Variants in CPLANE1 observed in about 807,000 individuals in gnomAD.
The protein encoded by CPLANE1 is ciliogenesis and planar polarity effector 1.
Under a neutral mutation model 362.5 loss-of-function variants are expected in CPLANE1, and 263 were observed. The ratio of observed to expected loss-of-function variants is 0.73; its 90% confidence interval spans 0.66 to 0.80. The LOEUF is 0.80. CPLANE1 is among the 30% of genes least tolerant of loss of function. CPLANE1 has a pLI of 0.00. For missense variants in CPLANE1, 3,461 were observed against 3,793.4 expected (o/e 0.91, Z 2.30); for synonymous variants, 1,212 against 1,302.6 (o/e 0.93, Z 1.50).
At chr5:37,158,114 A>G (rs776391873) in intron 39 of CPLANE1, 110 bp downstream of exon 39, 377 of 1,240,300 alleles carry the variant, frequency 3.0e-4, no homozygotes, top group Non-Finnish European at 4.0e-4. Flanking sequence ...ACAAAGCTAC[A>G]TAGATGAGAT....
chr5:37,247,668 T>C lies in CPLANE1; in HGVS notation c.31A>G (p.Thr11Ala). 1.3e-6 allele frequency: 2 copies of C among 1,551,312 alleles called. No homozygotes were observed. The highest frequency in any genetic ancestry group is 1.7e-6 in the Non-Finnish European group (2 of 1,146,550). ...CATGGTTTTTTCTGCTTAATACCTG[T>C]TGATGTCAAGATTTCTAATCTTATC... The part of the protein sequence containing the change: MEIRLEILTS[T>A]GIKQKKPWPR... Residue 11 changes from threonine (T) to alanine (A), a missense_variant, in exon 2 of 53, where the codon ACA becomes GCA. This residue lies in a region of CPLANE1 where 3,380 missense variants were observed against 3,666.1 expected (regional missense o/e 0.92). Coordinates refer to ENST00000651892, the MANE Select transcript of CPLANE1 (RefSeq NM_001384732.1).
the CPLANE1 span, among the ~76,000 whole-genome samples, chr5:37,082,415 C>T: frequency 6.6e-6 from 1 of 152,134 alleles, no homozygotes; most frequent in African/African-American, 2.4e-5. Flanking sequence ...AGGCATCACA[C>T]TACCCGATCC....
At chr5:37,237,597 A>G (rs556513910) in intron 8 of CPLANE1, among the ~76,000 whole-genome samples, 2 of 152,378 alleles carry the variant, frequency 1.3e-5, no homozygotes, top group Admixed American at 1.3e-4. Context: ...CTGTAATCCG[A>G]GCACTTTGGG....
Position 37,226,622 on chromosome 5 carries a change from C to T in CPLANE1, c.1973G>A (p.Gly658Glu), listed in dbSNP as rs745967875. 6.4e-7 allele frequency: 1 copy of T among 1,551,330 alleles called. No homozygotes were observed. The highest frequency in any genetic ancestry group is 1.2e-5 in the South Asian group (1 of 84,034). The change falls in exon 12 of 53, where the codon GGG (glycine) becomes GAG (glutamate). Residue 658 changes from glycine (G) to glutamate (E), a missense_variant. By Grantham distance (98) the Gly-to-Glu change is moderately conservative (BLOSUM62 -2). Transcript: ENST00000651892. The stretch of plus-strand genomic sequence containing the variant: ...ATTTGAGGTCAGCTTTATCAAATGC[C>T]CCACATCTTGTTTGTATCTTATATC... Reference protein sequence around the residue: ...YWDIRYKQDVGHLIKLTSNTV... With the variant: ...YWDIRYKQDVEHLIKLTSNTV...
intron 46 of CPLANE1, among the ~76,000 whole-genome samples, chr5:37,131,290 C>G (rs1255109612): frequency 6.6e-6 from 1 of 152,144 alleles, no homozygotes; most frequent in African/African-American, 2.4e-5. Flanking sequence ...TACTGCGTGT[C>G]AATAGGTTGA....
chr5:37,114,763 G>A (rs539217306), intron 51 of CPLANE1, among the ~76,000 whole-genome samples, 197 bp downstream of exon 51: 18 of 151,962 alleles, frequency 1.2e-4, no homozygotes, highest in Admixed American at 3.3e-4. Context: ...AACCGGGCGC[G>A]GTGGTGGGCA....
intron 47 of CPLANE1, among the ~76,000 whole-genome samples, chr5:37,124,050 G>C (rs1269402636): frequency 1.3e-5 from 2 of 151,840 alleles, no homozygotes; most frequent in Non-Finnish European, 2.9e-5. Context: ...TGTCTCCTGG[G>C]CTATCAAGAA....
intron 8 of CPLANE1, among the ~76,000 whole-genome samples, chr5:37,232,974 T>C (rs1561686580): frequency 6.8e-6 from 1 of 148,072 alleles, no homozygotes; most frequent in Non-Finnish European, 1.5e-5. Context: ...AGACTAAGAG[T>C]GGGAAAAGGC....
At chr5:37,092,941 T>C in the CPLANE1 span, among the ~76,000 whole-genome samples, 1 of 152,170 alleles carries the variant, frequency 6.6e-6, no homozygotes, top group African/African-American at 2.4e-5. Context: ...ACCTCATGTA[T>C]CATTAATTAC....
chr5:37,159,701 C>A (rs1391459728), intron 38 of CPLANE1, among the ~76,000 whole-genome samples: 3 of 152,064 alleles, frequency 2.0e-5, no homozygotes, highest in African/African-American at 4.8e-5. Flanking sequence ...TAAATTTAAA[C>A]CACTTAAAAC....
chr5:37,164,902 G>A (rs1370026852), intron 36 of CPLANE1, among the ~76,000 whole-genome samples: 1 of 152,056 alleles, frequency 6.6e-6, no homozygotes, highest in African/African-American at 2.4e-5. Context: ...GTCAGGAGTT[G>A]GAGACCAGCC....
intron 51 of CPLANE1, among the ~76,000 whole-genome samples, chr5:37,110,791 C>T (rs1407011038): frequency 2.7e-5 from 4 of 150,278 alleles, no homozygotes; most frequent in Admixed American, 6.7e-5. Flanking sequence ...AGAACCTGGG[C>T]TAATGTATTA....
At chr5:37,141,209 C>T (rs1302088626) in intron 44 of CPLANE1, 3 of 985,224 alleles carry the variant, frequency 3.0e-6, no homozygotes, top group Non-Finnish European at 3.6e-6. Context: ...TTCCTCAAAA[C>T]CTCCTTGTTT....
At chr5:37,161,038 C>CA (rs977740355) in intron 38 of CPLANE1, among the ~76,000 whole-genome samples, 1 of 151,968 alleles carries the variant, frequency 6.6e-6, no homozygotes, top group Non-Finnish European at 1.5e-5. Flanking sequence ...CAGTAATAAC[C>CA]AAAAAAGTCT....
intron 35 of CPLANE1, 129 bp downstream of exon 35, chr5:37,166,918 C>T (rs984422925): frequency 1.3e-5 from 9 of 697,050 alleles, no homozygotes; most frequent in African/African-American, 1.1e-4. Flanking sequence ...ATGCATGACA[C>T]TTGAAAAGAA....
intron 15 of CPLANE1, 146 bp downstream of exon 15, chr5:37,221,178 T>C: frequency 2.1e-6 from 1 of 483,854 alleles, no homozygotes; most frequent in Non-Finnish European, 3.6e-6. Context: ...AACTAACAAG[T>C]AAACATACTG....
At position 37,180,137 on chromosome 5, in the gene CPLANE1, C is replaced by A; in HGVS notation, c.5617G>T (p.Asp1873Tyr). 1 of 1,534,132 alleles carries A rather than the reference C, an allele frequency of 6.5e-7. No individual in the cohort carries two copies. Among genetic ancestry groups the A allele is most frequent in the South Asian group, 1.3e-5 (1 of 78,218 alleles). The change falls in exon 28 of 53, where the codon GAT becomes TAT. Residue 1873 changes from aspartate (D) to tyrosine (Y), a missense_variant. Coordinates refer to ENST00000651892, the MANE Select transcript of CPLANE1 (RefSeq NM_001384732.1). Reference protein sequence around the residue: ...AKNPDIKEINDDIISITHNTK... With the variant: ...AKNPDIKEINYDIISITHNTK... ...TTATGAGTGATGGAAATAATATCATCATTGATTTCTTTTATATCAGGATTT... is the reference window on the plus strand; with the variant it reads ...TTATGAGTGATGGAAATAATATCATAATTGATTTCTTTTATATCAGGATTT...
At chr5:37,141,022 C>T in intron 44 of CPLANE1, 1 of 985,372 alleles carries the variant, frequency 1.0e-6, no homozygotes, top group African/African-American at 1.7e-5. Context: ...CAACACTAAA[C>T]AACCACGTTC....
intron 12 of CPLANE1, among the ~76,000 whole-genome samples, chr5:37,225,147 G>A (rs1218051358): frequency 2.0e-5 from 3 of 151,754 alleles, no homozygotes; most frequent in Admixed American, 6.6e-5. Context: ...ACAGCTTACT[G>A]TAGCCTCAAC....
Sources: gnomAD v4.1 joint callset for allele counts (sites outside exome capture counted in the v4.1 genomes callset) on GRCh38, gnomAD v4.1.1 for gene constraint, gnomAD v4.1.1 regional missense constraint, MANE v1.5 for transcripts, NCBI Gene and HGNC (gene_info 2026-07-23, HGNC 2026-07-21) for gene names.